Variants in ITSN1 observed in about 807,000 individuals in gnomAD.
The protein encoded by ITSN1 is intersectin-1.
ITSN1 carries 58 observed loss-of-function variants against 239.8 expected under a neutral mutation model. The ratio of observed to expected loss-of-function variants is 0.24; its 90% CI spans 0.20 to 0.30. ITSN1 has a LOEUF of 0.30. Among genes scored for constraint, ITSN1 ranks in the 10% least tolerant of loss-of-function variants. The probability of loss-of-function intolerance (pLI) is 1.00; values close to 1 mark genes in which losing one functional copy is unlikely to be tolerated. For missense variants in ITSN1, 1,558 were observed against 2,103.3 expected, an observed-to-expected ratio of 0.74 and a Z score of 5.07; for synonymous variants, 780 against 770.8, an observed-to-expected ratio of 1.01 and a Z score of -0.20.
chr21:33,646,922 G>T (rs1326606719), intron 1 of ITSN1, among the ~76,000 whole-genome samples: 2 of 151,874 alleles, frequency 1.3e-5, no homozygotes, highest in African/African-American at 4.8e-5. Context: ...GGAGATCAAG[G>T]CTGCAGTGAG....
intron 5 of ITSN1, among the ~76,000 whole-genome samples, chr21:33,740,869 A>C (rs907195513): frequency 6.6e-6 from 1 of 152,168 alleles, no homozygotes; most frequent in Non-Finnish European, 1.5e-5. Context: ...GTTCAGGACC[A>C]GCCTGGGCAA....
rs1986865728 is a variant in ITSN1 at position 33,897,777 on chromosome 21, A to G, written c.*9477A>G. 6.6e-6 allele frequency: 1 copy of G among 152,196 alleles called. No individual in the cohort carries two copies. The highest frequency in any genetic ancestry group is 6.5e-5 in the Admixed American group (1 of 15,286). 9.4% of individuals were successfully genotyped at this position (152,196 alleles called of 1,614,324 possible). A position where few individuals can be genotyped will look rare whatever the true frequency, so the allele number is the denominator to read the frequency against. On this transcript the variant is annotated 3_prime_UTR_variant, in exon 40 of 40. Transcript: ENST00000381318. ...TAGGAATCTAATTTAAGTGCATAAAACTATAGAAAAAAATTTAAAACCTAT... is the reference window on the plus strand; with the variant it reads ...TAGGAATCTAATTTAAGTGCATAAAGCTATAGAAAAAAATTTAAAACCTAT...
At chr21:33,870,197 A>G (rs4143360) in intron 33 of ITSN1, among the ~76,000 whole-genome samples, 56,668 of 152,150 alleles carry the variant, frequency 0.37, 11,185 homozygotes, top group East Asian at 0.5. Flanking sequence ...TAAGTTTTCA[A>G]CTTACTGTTT....
chr21:33,806,417 T>TC (rs2072456123), intron 20 of ITSN1, among the ~76,000 whole-genome samples: 1 of 151,984 alleles, frequency 6.6e-6, no homozygotes, highest in Non-Finnish European at 1.5e-5. Context: ...AATTTCTGCT[T>TC]CCCCCCTTTG....
At chr21:33,741,460 T>G (rs1887753444) in intron 5 of ITSN1, among the ~76,000 whole-genome samples, 1 of 152,186 alleles carries the variant, frequency 6.6e-6, no homozygotes, top group African/African-American at 2.4e-5. Context: ...AGATGTGTGG[T>G]AATGTGCTTG....
At chr21:33,838,055 G>A in intron 29 of ITSN1, 2 of 985,778 alleles carry the variant, frequency 2.0e-6, no homozygotes, top group African/African-American at 1.7e-5. Flanking sequence ...TTTTTAACTA[G>A]ACTGTGGAAT....
chr21:33,884,249 C>T (rs151186424), intron 36 of ITSN1, among the ~76,000 whole-genome samples: 12 of 152,104 alleles, frequency 7.9e-5, no homozygotes, highest in African/African-American at 2.2e-4. Context: ...AGAAATGTTT[C>T]GCATTCTTTG....
chr21:33,657,090 T>A (rs2089157328), intron 1 of ITSN1, among the ~76,000 whole-genome samples: 1 of 152,180 alleles, frequency 6.6e-6, no homozygotes, highest in Admixed American at 6.5e-5. Context: ...GTAGGTTTAT[T>A]GCATGATGCT....
At chr21:33,809,422 C>T (rs1019981965) in intron 20 of ITSN1, among the ~76,000 whole-genome samples, 2 of 152,106 alleles carry the variant, frequency 1.3e-5, no homozygotes, top group African/African-American at 4.8e-5. Context: ...TAAGCCTTGC[C>T]TTGCATTCTG....
At chr21:33,811,362 A>G (rs1414802592) in intron 21 of ITSN1, 140 bp downstream of exon 21, 2 of 734,850 alleles carry the variant, frequency 2.7e-6, no homozygotes, top group Admixed American at 6.0e-5. Flanking sequence ...TCCTTTCTCT[A>G]GCTGGCGAAT....
chr21:33,861,813 G>C lies in ITSN1; in HGVS notation c.3890+3021G>C, dbSNP rs571145627. ...TACAAAAAAATAGCCAGGCGTGGTG[G>C]CGGGCGCCTGTAGTCCCAGCTACTC... On this transcript the variant is annotated intron_variant, in intron 31 of 39. Transcript: ENST00000381318. 2.8e-4 allele frequency among the ~76,000 whole-genome samples: 42 copies of C among 152,062 alleles called. 1 individual carries two copies. The highest frequency in any genetic ancestry group is 2.6e-3 in the Admixed American group (40 of 15,288).
In ITSN1 at chr21:33,706,773, C is replaced by T. The variant is rs767607752; in HGVS notation, c.-32-12024C>T. 9.2e-5 allele frequency among the ~76,000 whole-genome samples: 14 copies of T among 151,570 alleles called. 1 individual carries two copies. The highest frequency in any genetic ancestry group is 3.2e-3 in the Middle Eastern group (1 of 314). On this transcript the variant is annotated intron_variant, in intron 1 of 39. Coordinates refer to ENST00000381318, the MANE Select transcript of ITSN1 (RefSeq NM_003024.3). ...TTATTTATTTATTTATTTTTTTTGG[C>T]GTGCTGTTGCACAATCTTGGCTCAC...
chr21:33,793,189 C>T (rs2071279890), intron 16 of ITSN1, among the ~76,000 whole-genome samples: 1 of 152,220 alleles, frequency 6.6e-6, no homozygotes, highest in South Asian at 2.1e-4. Context: ...ACAGACAAAC[C>T]GTCTACCTTT....
At chr21:33,751,948 A>AATCAGG (rs1398493076) in intron 7 of ITSN1, 42 bp downstream of exon 7, 7 of 1,246,894 alleles carry the variant, frequency 5.6e-6, no homozygotes, top group Non-Finnish European at 8.3e-6. Context: ...GGTTAAGGCC[A>AATCAGG]TTACCTGATT....
Position 33,865,187 on chromosome 21 carries a change from G to A in ITSN1, c.3927G>A (p.Lys1309=), listed in dbSNP as rs1981344943. The A allele has an allele frequency of 1.2e-6, 2 of 1,613,912 alleles. No individual in the cohort carries two copies. The highest frequency in any genetic ancestry group is 1.7e-6 in the Non-Finnish European group (2 of 1,179,972). Residue 1309 remains lysine, a synonymous_variant, in exon 32 of 40, where the codon AAG becomes AAA. Coordinates refer to ENST00000381318, the MANE Select transcript of ITSN1 (RefSeq NM_003024.3). This position sits in a 1 kb window ranked among gnomAD's most constrained non-coding sequence, Gnocchi z 4.4. ...LRVRKKMSGE[K]MPVKMIGDIL... ...TCCGCAAGAAGATGTCCGGGGAGAAGATGCCTGTGAAGATGATTGGAGACA... is the reference window on the plus strand; with the variant it reads ...TCCGCAAGAAGATGTCCGGGGAGAAAATGCCTGTGAAGATGATTGGAGACA...
chr21:33,761,463 C>T (rs1434337926), intron 8 of ITSN1, among the ~76,000 whole-genome samples: 1 of 151,802 alleles, frequency 6.6e-6, no homozygotes, highest in East Asian at 1.9e-4. Context: ...GGAGATCTCT[C>T]CGAGGTCCCT....
At chr21:33,717,525 CT>C (rs1293348840) in intron 1 of ITSN1, among the ~76,000 whole-genome samples, 1 of 151,926 alleles carries the variant, frequency 6.6e-6, no homozygotes, top group Non-Finnish European at 1.5e-5. Context: ...TGCATTTACC[CT>C]GTTAAATTAA....
chr21:33,744,750 A>G (rs1314403249), intron 5 of ITSN1, among the ~76,000 whole-genome samples: 1 of 152,248 alleles, frequency 6.6e-6, no homozygotes, highest in Non-Finnish European at 1.5e-5. Context: ...TTGGCCAAAG[A>G]GAGGACAGTT....
chr21:33,862,769 G>A (rs1161392135), intron 31 of ITSN1, among the ~76,000 whole-genome samples: 6 of 152,268 alleles, frequency 3.9e-5, no homozygotes, highest in South Asian at 4.1e-4. Flanking sequence ...CTGAGACTTG[G>A]GTCAAGTCAC....
Sources: gnomAD v4.1 joint callset for allele counts (sites outside exome capture counted in the v4.1 genomes callset) on GRCh38, gnomAD v4.1.1 for gene constraint, Gnocchi (gnomAD v3.1) non-coding constraint, MANE v1.5 for transcripts, NCBI Gene and HGNC (gene_info 2026-07-23, HGNC 2026-07-21) for gene names.